Variants in FIRRM observed in about 807,000 individuals in gnomAD.
FIRRM encodes the protein FIGNL1-interacting regulator of recombination and mitosis.
chr1:169,797,714 T>C, the FIRRM span, among the ~76,000 whole-genome samples: 1 of 152,012 alleles, frequency 6.6e-6, no homozygotes, highest in Non-Finnish European at 1.5e-5. Flanking sequence ...CCGGCTAATT[T>C]TTTGTATCTT....
At chr1:169,811,261 T>C in the FIRRM span, among the ~76,000 whole-genome samples, 18 of 152,218 alleles carry the variant, frequency 1.2e-4, no homozygotes, top group African/African-American at 4.1e-4. Context: ...GTTTATATAA[T>C]GCTTTTAGAA....
At chr1:169,843,639 A>G in the FIRRM span, 1 of 1,331,962 alleles carries the variant, frequency 7.5e-7, no homozygotes, top group Non-Finnish European at 1.1e-6. Context: ...TATGTGATTG[A>G]AAATTTTTCT....
the FIRRM span, among the ~76,000 whole-genome samples, chr1:169,785,172 C>T: frequency 2.6e-5 from 4 of 152,258 alleles, no homozygotes; most frequent in South Asian, 2.1e-4. Flanking sequence ...CTCTCTGCTG[C>T]GCCACCATGA....
chr1:169,812,080 G>A, the FIRRM span, among the ~76,000 whole-genome samples: 1 of 152,174 alleles, frequency 6.6e-6, no homozygotes, highest in Non-Finnish European at 1.5e-5. Flanking sequence ...GGACTGTTAA[G>A]TTATTTGTGT....
At chr1:169,842,478 G>A in the FIRRM span, 13 of 1,613,750 alleles carry the variant, frequency 8.1e-6, no homozygotes, top group Non-Finnish European at 9.3e-6. Context: ...TTGGATACAG[G>A]AAAACAAACT....
the FIRRM span, chr1:169,842,539 G>A: frequency 1.2e-6 from 2 of 1,612,200 alleles, no homozygotes; most frequent in South Asian, 1.1e-5. Context: ...ACATTAAACA[G>A]GTAAGGAAAG....
At chr1:169,803,280 A>G in the FIRRM span, 3 of 1,613,908 alleles carry the variant, frequency 1.9e-6, no homozygotes, top group South Asian at 1.1e-5. Context: ...AGTCCTTCAT[A>G]TAATTAAAAG....
chr1:169,785,977 C>T, the FIRRM span, among the ~76,000 whole-genome samples: 10 of 152,104 alleles, frequency 6.6e-5, no homozygotes, highest in East Asian at 1.5e-3. Context: ...TAGATGATAG[C>T]GAACCTAATT....
the FIRRM span, chr1:169,795,504 T>C: frequency 8.4e-7 from 1 of 1,192,370 alleles, no homozygotes; most frequent in East Asian, 4.4e-5. Flanking sequence ...AGTTTTTCTG[T>C]ACTCGTTGCT....
chr1:169,827,253 C>T, the FIRRM span: 16 of 1,408,590 alleles, frequency 1.1e-5, no homozygotes, highest in Non-Finnish European at 1.6e-5. Flanking sequence ...ATGTTAGAGA[C>T]ACTGATTTCC....
the FIRRM span, chr1:169,795,296 C>A: frequency 6.9e-7 from 1 of 1,451,572 alleles, no homozygotes; most frequent in East Asian, 2.5e-5. Context: ...TTCAGACCCA[C>A]CGCCAGGCTG....
At chr1:169,792,844 A>C in the FIRRM span, 1 of 1,613,902 alleles carries the variant, frequency 6.2e-7, no homozygotes, top group South Asian at 1.1e-5. Flanking sequence ...CATATTTTAC[A>C]AAAAGTTTTT....
the FIRRM span, chr1:169,850,512 T>C: frequency 7.3e-6 from 4 of 551,082 alleles, no homozygotes; most frequent in South Asian, 2.4e-5. Context: ...AGTAAAACAC[T>C]TGGGGCCAGG....
chr1:169,806,087 A>G, the FIRRM span: 1 of 1,565,392 alleles, frequency 6.4e-7, no homozygotes, highest in Non-Finnish European at 8.7e-7. Flanking sequence ...GTTTATAATT[A>G]AGTAAGTTTG....
chr1:169,814,964 G>GT, the FIRRM span, among the ~76,000 whole-genome samples: 1,600 of 143,860 alleles, frequency 0.011, 24 homozygotes, highest in Middle Eastern at 0.014. Context: ...AAAAAGTTTT[G>GT]TTTTTTTTTT....
At chr1:169,848,315 A>C in the FIRRM span, among the ~76,000 whole-genome samples, 2 of 152,160 alleles carry the variant, frequency 1.3e-5, no homozygotes, top group Non-Finnish European at 2.9e-5. Flanking sequence ...GTATATTACC[A>C]GGCCAGTACA....
the FIRRM span, chr1:169,795,999 A>G: frequency 3.1e-6 from 3 of 980,934 alleles, no homozygotes; most frequent in Non-Finnish European, 3.6e-6. Flanking sequence ...CCATATGTAT[A>G]TGTATCTTTT....
the FIRRM span, among the ~76,000 whole-genome samples, chr1:169,804,621 A>T: frequency 6.6e-6 from 1 of 152,224 alleles, no homozygotes; most frequent in Non-Finnish European, 1.5e-5. Context: ...GTCTATTCTC[A>T]TATACATATT....
At chr1:169,852,935 C>T in the FIRRM span, 16 of 1,613,966 alleles carry the variant, frequency 9.9e-6, no homozygotes, top group African/African-American at 4.0e-5. Context: ...GAAATGGAGG[C>T]GCTCCAAGAA....
Sources: allele counts gnomAD v4.1 joint callset (sites outside exome capture counted in the v4.1 genomes callset), GRCh38; gene constraint gnomAD v4.1.1; transcripts MANE v1.5; gene names NCBI Gene and HGNC (gene_info 2026-07-23, HGNC 2026-07-21).